The following SIPA1L3 variants were observed in gnomAD, a reference collection of about 807,000 sequenced individuals.
SIPA1L3 encodes signal induced proliferation associated 1 like 3, also known as signal-induced proliferation-associated 1-like protein 3.
In SIPA1L3, 59 loss-of-function variants were observed where a neutral mutation model predicts 150.1. The ratio of observed to expected loss-of-function variants is 0.39; its 90% confidence interval spans 0.32 to 0.49. The LOEUF (loss-of-function observed/expected upper bound fraction) is 0.49. Ranked by LOEUF, SIPA1L3 falls within the 20% of genes least tolerant of loss-of-function variation. The pLI, the probability that SIPA1L3 is intolerant of heterozygous loss-of-function variation, is 0.86. For missense variants in SIPA1L3, 2,211 were observed against 2,489.5 expected, an observed-to-expected ratio of 0.89 and a Z score of 2.38; for synonymous variants, 1,070 against 1,077.6, an observed-to-expected ratio of 0.99 and a Z score of 0.14.
rs1225870676 is a variant in SIPA1L3 at position 38,082,887 on chromosome 19, A to C, written c.1322A>C (p.Asn441Thr). 1 of 1,613,316 alleles carries C rather than the reference A, an allele frequency of 6.2e-7. No individual in the cohort carries two copies. The highest frequency in any genetic ancestry group is 1.3e-5 in the African/African-American group (1 of 74,918). Residue 441 changes from asparagine to threonine, a missense_variant, in exon 3 of 22, where the codon AAC (asparagine) becomes ACC (threonine). Coordinates refer to ENST00000222345, the MANE Select transcript of SIPA1L3 (RefSeq NM_015073.3). ...GAGATCGGGGGCGAGTGTGAGCGCA[A>C]CGTGAGCTTCTCCCGGGCTTCCGTG... The part of the protein sequence containing the change: ...RNEIGGECER[N>T]VSFSRASVGS...
intron 2 of SIPA1L3, among the ~76,000 whole-genome samples, chr19:38,045,877 C>T (rs1274428333): frequency 6.6e-6 from 1 of 152,084 alleles, no homozygotes; most frequent in Non-Finnish European, 1.5e-5. Flanking sequence ...GTCTGGTGAG[C>T]CACGGTAGGA....
At chr19:38,057,298 A>G (rs1302367870) in intron 2 of SIPA1L3, among the ~76,000 whole-genome samples, 1 of 150,854 alleles carries the variant, frequency 6.6e-6, no homozygotes, top group Non-Finnish European at 1.5e-5. Flanking sequence ...ATGTATATAT[A>G]TGTGTATATA....
chr19:38,013,696 A>G (rs1968163329), intron 1 of SIPA1L3, among the ~76,000 whole-genome samples: 1 of 152,270 alleles, frequency 6.6e-6, no homozygotes, highest in Admixed American at 6.5e-5. Flanking sequence ...TACCATGCAG[A>G]AGAAAAAAAC....
chr19:37,971,330 C>G (rs548003161), intron 1 of SIPA1L3, among the ~76,000 whole-genome samples: 10 of 152,162 alleles, frequency 6.6e-5, no homozygotes, highest in African/African-American at 2.2e-4. Context: ...TTTCCAGGCT[C>G]TTTAATCATC....
intron 1 of SIPA1L3, among the ~76,000 whole-genome samples, chr19:38,019,954 G>A (rs1390201947): frequency 1.3e-5 from 2 of 152,118 alleles, no homozygotes; most frequent in African/African-American, 4.8e-5. Flanking sequence ...TTACCCAGGT[G>A]TGGTGATGCA....
At chr19:38,166,236 A>G (rs1453192425) in intron 15 of SIPA1L3, among the ~76,000 whole-genome samples, 1 of 150,552 alleles carries the variant, frequency 6.6e-6, no homozygotes, top group East Asian at 2.0e-4. Flanking sequence ...CGGGTGGATC[A>G]TGAGGTCAGG....
chr19:38,080,953 G>A (rs1969963417), intron 2 of SIPA1L3, among the ~76,000 whole-genome samples: 1 of 146,804 alleles, frequency 6.8e-6, no homozygotes. Flanking sequence ...CTGGGTGACA[G>A]AGCGAGACTC....
intron 2 of SIPA1L3, among the ~76,000 whole-genome samples, chr19:38,070,356 T>C (rs551479037): frequency 3.9e-5 from 6 of 152,290 alleles, no homozygotes; most frequent in African/African-American, 1.2e-4. Context: ...ATTACACACA[T>C]GAGCCACTGC....
At chr19:37,941,452 GT>G (rs573938334) in intron 1 of SIPA1L3, among the ~76,000 whole-genome samples, 5,750 of 115,608 alleles carry the variant, frequency 0.05, 281 homozygotes, top group African/African-American at 0.14. Context: ...TCTGTTGTGT[GT>G]TTTTTTTTTT....
intron 13 of SIPA1L3, among the ~76,000 whole-genome samples, chr19:38,159,802 G>A (rs1972036237): frequency 1.3e-5 from 2 of 152,206 alleles, no homozygotes; most frequent in South Asian, 2.1e-4. Flanking sequence ...TATGCAGAGT[G>A]CTTACCATAG....
rs1029119101 is a variant in SIPA1L3, at chr19:38,164,764, C to G, written c.4066C>G (p.His1356Asp). Residue 1356 changes from histidine (H) to aspartate (D), a missense_variant, in exon 15 of 22, where the codon CAC becomes GAC. By Grantham distance (81) the His-to-Asp change is moderately conservative. Coordinates refer to ENST00000222345, the MANE Select transcript of SIPA1L3 (RefSeq NM_015073.3). This position sits in a 1 kb window ranked among gnomAD's most constrained non-coding sequence, Gnocchi z 4.1. ...GGREAAGRSH[H>D]ADRRREVSPA... Reference sequence around the variant, plus strand: ...TCGCGAGGCCGCTGGGAGGTCCCACCACGCAGACAGGCGGCGGGAGGTCTC... The same window carrying G: ...TCGCGAGGCCGCTGGGAGGTCCCACGACGCAGACAGGCGGCGGGAGGTCTC... The G allele has an allele frequency of 1.2e-6, 2 of 1,613,096 alleles. No individual in the cohort carries two copies. The highest frequency in any genetic ancestry group is 2.7e-5 in the African/African-American group (2 of 75,058).
At chr19:38,056,693 G>C (rs1259878162) in intron 2 of SIPA1L3, among the ~76,000 whole-genome samples, 2 of 152,190 alleles carry the variant, frequency 1.3e-5, no homozygotes, top group East Asian at 3.8e-4. Context: ...GTGAATGGAA[G>C]TAAATCAAAT....
intron 19 of SIPA1L3, chr19:38,199,840 G>A (rs1218831454): frequency 7.7e-6 from 1 of 129,676 alleles, no homozygotes; most frequent in African/African-American, 2.5e-5. Flanking sequence ...TCATAGCATA[G>A]TAATTTTCTT....
intron 2 of SIPA1L3, among the ~76,000 whole-genome samples, chr19:38,029,839 A>G (rs141482922): frequency 7.1e-6 from 1 of 140,108 alleles, no homozygotes; most frequent in East Asian, 2.1e-4. Flanking sequence ...CCTCAGGTGA[A>G]CTGCCCACCT....
chr19:38,144,295 C>T lies in SIPA1L3; in HGVS notation c.3533+1585C>T, dbSNP rs1219466075. ...GCGAGAGAGAGACAGAGAGGGTAAG[C>T]GTGCTCTTCAAGACCTCCCATCACA... On this transcript the variant is annotated intron_variant, in intron 12 of 21. Transcript: ENST00000222345. Among the ~76,000 whole-genome samples the T allele has an allele frequency of 2.6e-5, 4 of 152,234 alleles. No individual in the cohort carries two copies. The South Asian group carries it at 8.3e-4, about 31-fold the overall frequency.
chr19:38,069,040 A>C (rs952110886), intron 2 of SIPA1L3, among the ~76,000 whole-genome samples: 1 of 152,168 alleles, frequency 6.6e-6, no homozygotes, highest in African/African-American at 2.4e-5. Flanking sequence ...CCCCGCCCAC[A>C]TGTGAGAACA....
At chr19:37,969,202 C>T (rs1319657094) in intron 1 of SIPA1L3, among the ~76,000 whole-genome samples, 1 of 151,998 alleles carries the variant, frequency 6.6e-6, no homozygotes, top group East Asian at 1.9e-4. Flanking sequence ...CACTGCACTC[C>T]AGCCTGGGCA....
At chr19:38,073,539 C>A (rs1346335247) in intron 2 of SIPA1L3, among the ~76,000 whole-genome samples, 1 of 152,212 alleles carries the variant, frequency 6.6e-6, no homozygotes, top group Non-Finnish European at 1.5e-5. Context: ...AGTTCCCCAG[C>A]TGCCCTCCTT....
chr19:38,016,476 A>C (rs933342152), intron 1 of SIPA1L3, among the ~76,000 whole-genome samples: 13 of 152,168 alleles, frequency 8.5e-5, no homozygotes, highest in Non-Finnish European at 1.9e-4. Flanking sequence ...ACATACACAC[A>C]TATAGGTATA....
Sources: gnomAD v4.1 joint callset for allele counts (sites outside exome capture counted in the v4.1 genomes callset) on GRCh38, gnomAD v4.1.1 for gene constraint, Gnocchi (gnomAD v3.1) non-coding constraint, MANE v1.5 for transcripts, NCBI Gene and HGNC (gene_info 2026-07-23, HGNC 2026-07-21) for gene names.